The following DCDC1 variants were observed in gnomAD, a reference collection of about 807,000 sequenced individuals.
The protein encoded by DCDC1 is doublecortin domain-containing protein 1.
A neutral mutation model predicts 178.3 loss-of-function variants in DCDC1; 200 were observed. That is an observed-to-expected ratio of 1.12 (90% CI 1.00 to 1.26). The LOEUF (loss-of-function observed/expected upper bound fraction) is 1.26. DCDC1 is among the 50% of genes most tolerant of loss of function. DCDC1 has a pLI of 0.00. For synonymous variants in DCDC1, 690 were observed against 604.8 expected (o/e 1.14, Z -2.07); for missense variants, 1,983 against 1,749.2 (o/e 1.13, Z -2.38).
chr11:30,873,405 T>C (rs1263637213), intron 38 of DCDC1, among the ~76,000 whole-genome samples: 2 of 150,412 alleles, frequency 1.3e-5, no homozygotes, highest in African/African-American at 2.5e-5. Context: ...GGTATATACA[T>C]GAATTAAGTG....
rs557757716 is a variant in DCDC1, at chr11:31,298,488, G to C, written c.754+7127C>G. Among the ~76,000 whole-genome samples the C allele has an allele frequency of 6.6e-5, 10 of 152,266 alleles. No individual in the cohort carries two copies. In the East Asian group the frequency reaches 1.9e-3, roughly 29 times the overall value. ...TAACCTTGGAAAACAGTTCCCAAAA[G>C]GGTCGTATCTCAGCTGCTCAGGGAC... is the stretch of plus-strand genomic sequence containing the variant. On this transcript the variant is annotated intron_variant, in intron 6 of 38. Transcript: ENST00000684477.
intron 21 of DCDC1, chr11:30,944,405 T>A (rs1947864080): frequency 2.2e-6 from 1 of 452,744 alleles, no homozygotes; most frequent in Middle Eastern, 3.3e-4. Context: ...CGGTATAAAA[T>A]TATTATTTAT....
At chr11:31,172,053 A>G (rs1484768375) in intron 9 of DCDC1, among the ~76,000 whole-genome samples, 1 of 152,210 alleles carries the variant, frequency 6.6e-6, no homozygotes, top group Non-Finnish European at 1.5e-5. Flanking sequence ...AAGTGATTGA[A>G]TGAAAAAACT....
chr11:31,014,196 ACTCTCTCTTT>A (rs1450717323), intron 20 of DCDC1, among the ~76,000 whole-genome samples: 2 of 150,958 alleles, frequency 1.3e-5, no homozygotes, highest in African/African-American at 4.9e-5. Context: ...GCTCGCTCTC[ACTCTCTCTTT>A]CTCTCTCTCT....
intron 9 of DCDC1, among the ~76,000 whole-genome samples, chr11:31,138,932 G>C (rs1382604641): frequency 6.6e-6 from 1 of 151,974 alleles, no homozygotes; most frequent in Non-Finnish European, 1.5e-5. Context: ...GAGAGAAAAG[G>C]CCCAGGAATC....
intron 20 of DCDC1, among the ~76,000 whole-genome samples, chr11:30,988,781 A>G (rs996007481): frequency 6.6e-6 from 1 of 152,238 alleles, no homozygotes; most frequent in African/African-American, 2.4e-5. Context: ...GTTGGGTCAC[A>G]TTCAAAGGCA....
At chr11:31,107,532 GT>G (rs1958931300) in intron 12 of DCDC1, among the ~76,000 whole-genome samples, 1 of 152,170 alleles carries the variant, frequency 6.6e-6, no homozygotes, top group Admixed American at 6.5e-5. Context: ...ATGTTTTTAA[GT>G]TGTAAGAAAG....
intron 17 of DCDC1, among the ~76,000 whole-genome samples, chr11:31,090,547 T>C (rs1957761905): frequency 6.6e-6 from 1 of 152,194 alleles, no homozygotes; most frequent in African/African-American, 2.4e-5. Flanking sequence ...AGTATCTGGC[T>C]TAGACACTTT....
intron 9 of DCDC1, among the ~76,000 whole-genome samples, chr11:31,236,174 T>A: frequency 7.5e-6 from 1 of 134,154 alleles, no homozygotes; most frequent in African/African-American, 2.5e-5. Flanking sequence ...ACTATTTCAA[T>A]ATCACTTCTT....
intron 8 of DCDC1, among the ~76,000 whole-genome samples, chr11:31,261,357 A>G (rs1944768122): frequency 6.6e-6 from 1 of 152,092 alleles, no homozygotes. Flanking sequence ...TAGTTTCCCC[A>G]TATCCCTGTT....
chr11:31,328,277 C>A lies in DCDC1; in HGVS notation c.4G>T (p.Ala2Ser). The change falls in exon 3 of 39, where the codon GCA (alanine) becomes TCA (serine). Residue 2 changes from alanine to serine, a missense_variant. Coordinates refer to ENST00000684477, the MANE Select transcript of DCDC1 (RefSeq NM_001387274.1). ...CTGTGATCTTCTGCTCCTGTTTTTG[C>A]CATTTTCAGCTAAAAATGATAAAGA... M[A>S]KTGAEDHREA... 6.4e-7 allele frequency: 1 copy of A among 1,550,696 alleles called. No homozygotes were observed. The highest frequency in any genetic ancestry group is 8.7e-7 in the Non-Finnish European group (1 of 1,144,876).
intron 20 of DCDC1, among the ~76,000 whole-genome samples, chr11:30,973,485 A>G (rs1378633222): frequency 6.6e-6 from 1 of 152,040 alleles, no homozygotes; most frequent in Admixed American, 6.6e-5. Context: ...GCGAGAACAC[A>G]TTAATACAGT....
chr11:30,926,374 C>A (rs1423089749), intron 22 of DCDC1, among the ~76,000 whole-genome samples: 1 of 152,160 alleles, frequency 6.6e-6, no homozygotes, highest in East Asian at 1.9e-4. Flanking sequence ...CCATAAGCAG[C>A]AGAAAGCCAT....
At chr11:31,105,882 T>C (rs1958813528) in intron 13 of DCDC1, among the ~76,000 whole-genome samples, 1 of 152,196 alleles carries the variant, frequency 6.6e-6, no homozygotes, top group Non-Finnish European at 1.5e-5. Context: ...CTATTTTCAT[T>C]ATAGTTAATA....
At chr11:31,051,852 A>G (rs1955270664) in intron 20 of DCDC1, among the ~76,000 whole-genome samples, 1 of 152,226 alleles carries the variant, frequency 6.6e-6, no homozygotes, top group African/African-American at 2.4e-5. Flanking sequence ...AATCCTAGAA[A>G]CACATAAAAA....
At chr11:30,938,485 C>A (rs1383933715) in intron 21 of DCDC1, among the ~76,000 whole-genome samples, 1 of 152,166 alleles carries the variant, frequency 6.6e-6, no homozygotes, top group Admixed American at 6.5e-5. Flanking sequence ...CTCTGGCCCT[C>A]TACATTTGCT....
chr11:31,049,309 A>T (rs116608340), intron 20 of DCDC1, among the ~76,000 whole-genome samples: 1 of 152,200 alleles, frequency 6.6e-6, no homozygotes, highest in Admixed American at 6.5e-5. Context: ...TCAGATTTTC[A>T]CTAGTGATGG....
Position 30,900,373 on chromosome 11 carries a change from A to G in DCDC1, c.4636T>C (p.Cys1546Arg). The part of the protein sequence containing the change: ...LRNPIAIWVS[C>R]GEPFLPPNAL... ...TTTGGAGGTAGAAATGGTTCACCAC[A>G]AGACACCCAGATGGCAATAGGATTT... is the stretch of plus-strand genomic sequence containing the variant. The change falls in exon 33 of 39, where the codon TGT (cysteine) becomes CGT (arginine). Residue 1546 changes from cysteine to arginine, a missense_variant. Coordinates refer to ENST00000684477, the MANE Select transcript of DCDC1 (RefSeq NM_001387274.1). The G allele has an allele frequency of 6.4e-7, 1 of 1,565,596 alleles. No homozygotes were observed.
At chr11:30,884,258 T>C (rs1002064879) in intron 36 of DCDC1, among the ~76,000 whole-genome samples, 3 of 152,078 alleles carry the variant, frequency 2.0e-5, no homozygotes, top group Non-Finnish European at 2.9e-5. Context: ...CTCAAACTCC[T>C]GGGTTCAATC....
Sources: gnomAD v4.1 joint callset for allele counts (sites outside exome capture counted in the v4.1 genomes callset) on GRCh38, gnomAD v4.1.1 for gene constraint, MANE v1.5 for transcripts, NCBI Gene and HGNC (gene_info 2026-07-23, HGNC 2026-07-21) for gene names.